The following ADCY5 variants were observed in gnomAD, a reference collection of about 807,000 sequenced individuals.
ADCY5 encodes adenylate cyclase 5.
Under a neutral mutation model 119.7 loss-of-function variants are expected in ADCY5, and 30 were observed. The ratio of observed to expected loss-of-function variants is 0.25; its 90% confidence interval spans 0.19 to 0.34. The LOEUF (loss-of-function observed/expected upper bound fraction) is 0.34. Ranked by LOEUF, ADCY5 falls within the 10% of genes least tolerant of loss-of-function variation. The pLI is 1.00. For missense variants in ADCY5, 1,324 were observed against 1,775.2 expected (o/e 0.75, Z 4.57); for synonymous variants, 753 against 762.2 (o/e 0.99, Z 0.20).
At chr3:123,403,214 T>C (rs887869663) in intron 1 of ADCY5, among the ~76,000 whole-genome samples, 12 of 151,994 alleles carry the variant, frequency 7.9e-5, no homozygotes, top group Admixed American at 5.2e-4. Context: ...ACCCCATCTC[T>C]ACAAAAGATA....
intron 7 of ADCY5, among the ~76,000 whole-genome samples, chr3:123,325,964 G>A (rs1385301028): frequency 6.6e-6 from 1 of 152,196 alleles, no homozygotes; most frequent in East Asian, 1.9e-4. Flanking sequence ...CTCCCAACTT[G>A]GTCCCTGGCA....
In ADCY5 at chr3:123,447,825, T is replaced by A. The variant is rs573057543; in HGVS notation, c.721A>T (p.Ser241Cys). 1 of 1,612,862 alleles carries A rather than the reference T, an allele frequency of 6.2e-7. No individual in the cohort carries two copies. The highest frequency in any genetic ancestry group is 1.7e-5 in the Admixed American group (1 of 60,008). ...AGCACGGCCATGAGCATGGTGAGGC[T>A]GCTCTGGTTCAGGCGGAAGAAGTAG... is the stretch of plus-strand genomic sequence containing the variant. Reference protein sequence around the residue: ...QRYFFRLNQSSLTMLMAVLVL... With the variant: ...QRYFFRLNQSCLTMLMAVLVL... Residue 241 changes from serine to cysteine, a missense_variant, in exon 1 of 21, where the codon AGC becomes TGC. Physicochemically the swap from Ser to Cys is moderately radical, Grantham distance 112. Coordinates refer to ENST00000462833, the MANE Select transcript of ADCY5 (RefSeq NM_183357.3).
At position 123,286,298 on chromosome 3, in the gene ADCY5, G is replaced by A. The variant is rs1047255177; in HGVS notation, c.3657+387C>T. ...CCACTGGCTCTCCTGAGCCAGGCCA[G>A]GAGTGCTGCAGGCTCAATGGGTAAG... On this transcript the variant is annotated intron_variant, in intron 20 of 20. Coordinates refer to ENST00000462833, the MANE Select transcript of ADCY5 (RefSeq NM_183357.3). The surrounding 1 kb of genome is among the most constrained non-coding windows in gnomAD (Gnocchi z 4.2). 6.6e-6 allele frequency among the ~76,000 whole-genome samples: 1 copy of A among 152,184 alleles called. No individual in the cohort carries two copies. Among genetic ancestry groups the A allele is most frequent in the Admixed American group, 6.5e-5 (1 of 15,286 alleles).
At position 123,286,157 on chromosome 3, in the gene ADCY5, G is replaced by A. The variant is rs1223589597; in HGVS notation, c.3657+528C>T. Among the ~76,000 whole-genome samples, 1 of 152,218 alleles carries A rather than the reference G, an allele frequency of 6.6e-6. No homozygotes were observed. The highest frequency in any genetic ancestry group is 1.5e-5 in the Non-Finnish European group (1 of 68,042). ...GCAGCAGCTGAAGAACAGCAGGCCG[G>A]GAAACCACAAGCCCAGCTCGCAAAG... On this transcript the variant is annotated intron_variant, in intron 20 of 20. Coordinates refer to ENST00000462833, the MANE Select transcript of ADCY5 (RefSeq NM_183357.3). The surrounding 1 kb of genome is among the most constrained non-coding windows in gnomAD (Gnocchi z 4.2).
At chr3:123,348,630 A>T (rs938619179) in intron 2 of ADCY5, among the ~76,000 whole-genome samples, 1 of 152,156 alleles carries the variant, frequency 6.6e-6, no homozygotes, top group African/African-American at 2.4e-5. Context: ...CAGAGAAACC[A>T]TGTCACAACC....
intron 3 of ADCY5, among the ~76,000 whole-genome samples, chr3:123,337,288 G>A (rs1270208347): frequency 2.0e-5 from 3 of 152,120 alleles, no homozygotes; most frequent in African/African-American, 4.8e-5. Flanking sequence ...GCTGAATGAC[G>A]GCCTGGATGC....
chr3:123,435,261 G>T (rs1261524258), intron 1 of ADCY5, among the ~76,000 whole-genome samples: 2 of 152,194 alleles, frequency 1.3e-5, no homozygotes, highest in African/African-American at 4.8e-5. Context: ...ACTCCAGCCT[G>T]GGCAACAGGG....
At chr3:123,429,336 A>C (rs1446907947) in intron 1 of ADCY5, among the ~76,000 whole-genome samples, 1 of 152,220 alleles carries the variant, frequency 6.6e-6, no homozygotes, top group African/African-American at 2.4e-5. Context: ...GCCATGGTCC[A>C]TCCCACACCT....
chr3:123,421,432 C>T (rs996230989), intron 1 of ADCY5, among the ~76,000 whole-genome samples: 6 of 152,230 alleles, frequency 3.9e-5, no homozygotes, highest in Non-Finnish European at 7.3e-5. Flanking sequence ...ACAATAATCA[C>T]GTCATACTGT....
intron 15 of ADCY5, among the ~76,000 whole-genome samples, chr3:123,299,873 C>T (rs960188418): frequency 6.6e-6 from 1 of 152,230 alleles, no homozygotes; most frequent in African/African-American, 2.4e-5. Flanking sequence ...CTGGAGGCTG[C>T]CCTGGCAAGC....
At chr3:123,319,519 C>G (rs967612656) in intron 10 of ADCY5, among the ~76,000 whole-genome samples, 155 bp downstream of exon 10, 1 of 152,136 alleles carries the variant, frequency 6.6e-6, no homozygotes, top group Non-Finnish European at 1.5e-5. Flanking sequence ...CCCTAGAACT[C>G]GCATCTCTCT....
intron 1 of ADCY5, among the ~76,000 whole-genome samples, chr3:123,431,935 C>T (rs774141440): frequency 6.6e-6 from 1 of 152,186 alleles, no homozygotes; most frequent in Non-Finnish European, 1.5e-5. Context: ...TCAATCCTGG[C>T]GCACAACAGA....
rs192144420 is a variant in ADCY5, at chr3:123,442,631, G to A, written c.1134+4781C>T. On this transcript the variant is annotated intron_variant, in intron 1 of 20. Transcript: ENST00000462833. ...CAGAACTCATGCTCCTGTTGCAGAC[G>A]AACATTTAGATTGAATTATTAACAG... Among the ~76,000 whole-genome samples the A allele has an allele frequency of 2.5e-3, 380 of 152,310 alleles. 9 individuals are homozygous for A. Among genetic ancestry groups the A allele is most frequent in the Admixed American group, 0.02 (307 of 15,304 alleles).
chr3:123,437,922 G>T (rs894057810), intron 1 of ADCY5, among the ~76,000 whole-genome samples: 1 of 152,186 alleles, frequency 6.6e-6, no homozygotes, highest in Non-Finnish European at 1.5e-5. Context: ...GCATTCCCCA[G>T]TCCCTGCCAG....
intron 15 of ADCY5, among the ~76,000 whole-genome samples, chr3:123,298,824 CTG>C (rs1454053281): frequency 7.6e-5 from 4 of 52,524 alleles, no homozygotes; most frequent in African/African-American, 1.5e-4. Context: ...GGACACAAAA[CTG>C]TCACTTTTTT....
chr3:123,330,314 C>T (rs1414111662), intron 5 of ADCY5, among the ~76,000 whole-genome samples: 1 of 152,326 alleles, frequency 6.6e-6, no homozygotes, highest in East Asian at 1.9e-4. Flanking sequence ...TAAGCTTGCA[C>T]CACCCATGTT....
rs567908677 is a variant in ADCY5, at chr3:123,443,272, TG to T, written c.1134+4139del. Among the ~76,000 whole-genome samples, 52 of 152,126 alleles carry T rather than the reference TG, an allele frequency of 3.4e-4. No individual in the cohort carries two copies. The Middle Eastern group carries it at 0.01, about 30-fold the overall frequency. ...GAAGAGCCCCAGGTACTTACTTCCC[TG>T]GGGAGCCAGAGGTCGAGGTCCGAAG... On this transcript the variant is annotated intron_variant, in intron 1 of 20. Coordinates refer to ENST00000462833, the MANE Select transcript of ADCY5 (RefSeq NM_183357.3).
intron 8 of ADCY5, 98 bp downstream of exon 8, chr3:123,325,224 C>A (rs1941422004): frequency 1.8e-5 from 27 of 1,472,122 alleles, no homozygotes; most frequent in Non-Finnish European, 2.0e-5. Context: ...TCCCCAGATT[C>A]CCTTGGGCAA....
At chr3:123,366,456 C>T (rs1345841043) in intron 1 of ADCY5, among the ~76,000 whole-genome samples, 1 of 152,214 alleles carries the variant, frequency 6.6e-6, no homozygotes, top group Admixed American at 6.5e-5. Context: ...CCAGCACAGC[C>T]ACTCTCTGTG....
Sources: allele counts gnomAD v4.1 joint callset (sites outside exome capture counted in the v4.1 genomes callset), GRCh38; gene constraint gnomAD v4.1.1; non-coding constraint Gnocchi (gnomAD v3.1); transcripts MANE v1.5; gene names NCBI Gene and HGNC (gene_info 2026-07-23, HGNC 2026-07-21).